The following IFT81 variants were observed in gnomAD, a reference collection of about 807,000 sequenced individuals.
IFT81 encodes the protein intraflagellar transport protein 81 homolog.
In IFT81, 72 loss-of-function variants were observed where a neutral mutation model predicts 102.6. The observed-to-expected ratio is 0.70, with a 90% confidence interval of 0.58 to 0.85. The LOEUF is 0.85. IFT81 is among the 40% of genes least tolerant of loss of function. The pLI, the probability that IFT81 is intolerant of heterozygous loss-of-function variation, is 0.00. For synonymous variants in IFT81, 237 were observed against 242.7 expected, an observed-to-expected ratio of 0.98 and a Z score of 0.22; for missense variants, 723 against 787.3, an observed-to-expected ratio of 0.92 and a Z score of 0.98.
At chr12:110,204,239 C>A (rs945610183) in intron 15 of IFT81, 1 of 298,518 alleles carries the variant, frequency 3.3e-6, no homozygotes, top group Non-Finnish European at 6.4e-6. Flanking sequence ...ATCTTTATTT[C>A]TTTAATTTGT....
intron 11 of IFT81, among the ~76,000 whole-genome samples, chr12:110,174,263 G>A (rs1403423761): frequency 2.9e-4 from 33 of 113,276 alleles, no homozygotes; most frequent in Non-Finnish European, 4.3e-4. Flanking sequence ...GGGCGACAGA[G>A]CAAGACTCCG....
rs558440431 is a variant in IFT81 at position 110,143,323 on chromosome 12, A to G, written c.782-59A>G. The G allele has an allele frequency of 8.9e-6, 9 of 1,010,346 alleles. No individual in the cohort carries two copies. The South Asian group carries it at 2.2e-4, about 25-fold the overall frequency. 62.6% of individuals were successfully genotyped at this position (1,010,346 alleles called of 1,614,324 possible). A position where few individuals can be genotyped will look rare whatever the true frequency, so the allele number is the denominator to read the frequency against. On this transcript the variant is annotated intron_variant, in intron 8 of 18. Transcript: ENST00000242591. Reference sequence around the variant, plus strand: ...CCAGGTCTTATATTTAAAATAGTATACAGAATATCACTGTACCTACTCTTT... The same window carrying G: ...CCAGGTCTTATATTTAAAATAGTATGCAGAATATCACTGTACCTACTCTTT...
intron 12 of IFT81, among the ~76,000 whole-genome samples, chr12:110,186,771 T>C (rs1051911871): frequency 2.6e-5 from 4 of 152,146 alleles, no homozygotes; most frequent in Admixed American, 2.0e-4. Context: ...GTCCAAACGA[T>C]CCACCTGCCT....
chr12:110,205,787 A>T, intron 17 of IFT81, 107 bp downstream of exon 17: 2 of 641,210 alleles, frequency 3.1e-6, no homozygotes, highest in Non-Finnish European at 5.2e-6. Flanking sequence ...GTAAGTAGAC[A>T]CTAAGATATT....
intron 11 of IFT81, among the ~76,000 whole-genome samples, chr12:110,179,877 CA>C (rs1382776941): frequency 3.5e-5 from 5 of 143,144 alleles, no homozygotes; most frequent in Admixed American, 2.1e-4. Context: ...TATAATGGGT[CA>C]AAAAATTAAA....
intron 18 of IFT81, chr12:110,216,641 G>T: frequency 2.3e-6 from 1 of 443,126 alleles, no homozygotes; most frequent in Non-Finnish European, 4.5e-6. Flanking sequence ...CTTCTGAGTA[G>T]CTGGAATTAC....
chr12:110,128,845 G>T, intron 3 of IFT81, 105 bp from the exon 4 acceptor site: 42 of 515,726 alleles, frequency 8.1e-5, no homozygotes, highest in East Asian at 1.3e-4. Flanking sequence ...AAAAGTTACA[G>T]AAAGCAATTT....
chr12:110,173,525 G>C (rs886912719), intron 11 of IFT81, among the ~76,000 whole-genome samples: 6 of 152,256 alleles, frequency 3.9e-5, no homozygotes, highest in African/African-American at 1.4e-4. Flanking sequence ...ATAGAAAGCG[G>C]GGAAAGGTGG....
chr12:110,217,927 GT>G, intron 18 of IFT81, 116 bp from the exon 19 acceptor site: 1 of 695,332 alleles, frequency 1.4e-6, no homozygotes, highest in Non-Finnish European at 2.4e-6. Context: ...AGAGTATGTG[GT>G]TTAGCTAACT....
intron 10 of IFT81, among the ~76,000 whole-genome samples, chr12:110,149,470 C>G (rs1488668133): frequency 1.3e-5 from 2 of 152,140 alleles, no homozygotes; most frequent in African/African-American, 4.8e-5. Context: ...TTGTGTTAGT[C>G]AGCTCAATTA....
intron 9 of IFT81, among the ~76,000 whole-genome samples, chr12:110,146,620 A>C (rs1028769890): frequency 2.0e-5 from 3 of 152,212 alleles, no homozygotes; most frequent in African/African-American, 7.2e-5. Flanking sequence ...AATCATAACA[A>C]GCTCCCCATA....
chr12:110,137,793 T>C (rs2137330268), intron 8 of IFT81, among the ~76,000 whole-genome samples: 1 of 151,962 alleles, frequency 6.6e-6, no homozygotes, highest in East Asian at 1.9e-4. Context: ...GTTGTGAAAA[T>C]GATGGTTGGA....
chr12:110,161,002 A>T (rs1003935916), intron 10 of IFT81, among the ~76,000 whole-genome samples: 2 of 152,034 alleles, frequency 1.3e-5, no homozygotes, highest in Non-Finnish European at 2.9e-5. Context: ...AAATACCCTC[A>T]TATTTCTCTA....
At chr12:110,211,029 T>C (rs1869347846) in intron 18 of IFT81, among the ~76,000 whole-genome samples, 1 of 147,390 alleles carries the variant, frequency 6.8e-6, no homozygotes. Context: ...CTAATTTTTG[T>C]ATTTTTTTTT....
At chr12:110,162,208 T>C (rs1278827946) in intron 10 of IFT81, 1 of 152,074 alleles carries the variant, frequency 6.6e-6, no homozygotes, top group Non-Finnish European at 1.5e-5. Context: ...CATTTTTTTC[T>C]TCCAATAAAG....
At chr12:110,191,168 C>CT (rs878915407) in intron 13 of IFT81, 120 bp downstream of exon 13, 62,705 of 615,586 alleles carry the variant, frequency 0.1, 6 homozygotes, top group South Asian at 0.13. Context: ...ATTCTTTCAT[C>CT]TTTTTTTTTT....
At chr12:110,180,666 A>T in intron 12 of IFT81, 95 bp downstream of exon 12, 1 of 829,156 alleles carries the variant, frequency 1.2e-6, no homozygotes, top group South Asian at 2.9e-5. Context: ...TACTGGAAAA[A>T]TGATAAAAGT....
At chr12:110,211,156 G>A (rs1869374725) in intron 18 of IFT81, among the ~76,000 whole-genome samples, 1 of 148,820 alleles carries the variant, frequency 6.7e-6, no homozygotes, top group South Asian at 2.1e-4. Flanking sequence ...CACGACACCT[G>A]GACTTCGTAT....
chr12:110,136,718 A>G, intron 7 of IFT81, 58 bp from the exon 8 acceptor site: 1 of 913,690 alleles, frequency 1.1e-6, no homozygotes, highest in Non-Finnish European at 1.7e-6. Context: ...TTGCTTGCCT[A>G]AGTGAGAGGT....
Sources: gnomAD v4.1 joint callset for allele counts (sites outside exome capture counted in the v4.1 genomes callset) on GRCh38, gnomAD v4.1.1 for gene constraint, MANE v1.5 for transcripts, NCBI Gene and HGNC (gene_info 2026-07-23, HGNC 2026-07-21) for gene names.